Variants in TEAD1 observed in about 807,000 individuals in gnomAD.
TEAD1 encodes the protein TEA domain transcription factor 1.
A neutral mutation model predicts 54.9 loss-of-function variants in TEAD1; 9 were observed. The observed-to-expected ratio is 0.16, with a 90% confidence interval of 0.10 to 0.29. The LOEUF (loss-of-function observed/expected upper bound fraction) is 0.29, where lower values mean the gene tolerates loss of function less well. Among genes scored for constraint, TEAD1 ranks in the 10% least tolerant of loss-of-function variants. The pLI is 1.00. For missense variants in TEAD1, 387 were observed against 535.9 expected (o/e 0.72, Z 2.74); for synonymous variants, 200 against 187.8 (o/e 1.07, Z -0.53).
At chr11:12,683,915 G>C (rs886489176) in intron 2 of TEAD1, among the ~76,000 whole-genome samples, 3 of 152,160 alleles carry the variant, frequency 2.0e-5, no homozygotes, top group South Asian at 2.1e-4. Flanking sequence ...CAAATTACTT[G>C]TTCTCTGCAA....
chr11:12,685,099 G>A (rs1015005018), intron 2 of TEAD1, among the ~76,000 whole-genome samples: 1 of 152,184 alleles, frequency 6.6e-6, no homozygotes, highest in East Asian at 1.9e-4. Flanking sequence ...CCTGGTGACT[G>A]GTCTGAGCAG....
chr11:12,932,259 G>T (rs1198380176), intron 12 of TEAD1, among the ~76,000 whole-genome samples: 3 of 152,134 alleles, frequency 2.0e-5, no homozygotes, highest in African/African-American at 7.2e-5. Flanking sequence ...CATATAGCAG[G>T]TGCTTGACAT....
At chr11:12,907,464 T>G (rs1948540628) in intron 10 of TEAD1, among the ~76,000 whole-genome samples, 1 of 152,224 alleles carries the variant, frequency 6.6e-6, no homozygotes. Flanking sequence ...TTATTATATT[T>G]TCCTTTTCAT....
intron 2 of TEAD1, among the ~76,000 whole-genome samples, chr11:12,737,827 TC>T (rs1204763449): frequency 1.3e-5 from 2 of 152,156 alleles, no homozygotes; most frequent in Non-Finnish European, 2.9e-5. Flanking sequence ...GATGTATTAG[TC>T]CATTTTTACG....
Position 12,864,880 on chromosome 11 carries a change from G to T in TEAD1, c.310G>T (p.Asp104Tyr). ...GGTTCTTGCCAGAAGGAAATCTCGT[G>T]ATTTTCATTCCAAGCTAAAGGTATG... Residue 104 changes from aspartate to tyrosine, a missense_variant, in exon 5 of 13, where the codon GAT becomes TAT. Coordinates refer to ENST00000527636, the MANE Select transcript of TEAD1 (RefSeq NM_021961.6). 2 of 1,614,104 alleles carry T rather than the reference G, an allele frequency of 1.2e-6. No homozygotes were observed. The highest frequency in any genetic ancestry group is 1.7e-6 in the Non-Finnish European group (2 of 1,180,018).
intron 3 of TEAD1, among the ~76,000 whole-genome samples, chr11:12,813,970 T>C (rs1284520605): frequency 6.6e-6 from 1 of 152,152 alleles, no homozygotes; most frequent in African/African-American, 2.4e-5. Context: ...TCCGAGGCCC[T>C]GAAAAGAAGT....
At chr11:12,833,119 T>A (rs577115972) in intron 3 of TEAD1, among the ~76,000 whole-genome samples, 2 of 152,360 alleles carry the variant, frequency 1.3e-5, no homozygotes, top group African/African-American at 4.8e-5. Flanking sequence ...CAGGCTTTTA[T>A]GGATGGCATT....
intron 3 of TEAD1, among the ~76,000 whole-genome samples, chr11:12,770,445 A>G (rs748335441): frequency 6.6e-6 from 1 of 152,222 alleles, no homozygotes; most frequent in Non-Finnish European, 1.5e-5. Flanking sequence ...TAAATCATTT[A>G]TTGAGGGCCT....
At chr11:12,884,358 A>G (rs763101655) in intron 9 of TEAD1, among the ~76,000 whole-genome samples, 2 of 152,112 alleles carry the variant, frequency 1.3e-5, no homozygotes, top group Non-Finnish European at 2.9e-5. Flanking sequence ...CACGTTCTCT[A>G]TCTCACCCCA....
intron 3 of TEAD1, among the ~76,000 whole-genome samples, chr11:12,857,116 C>A (rs1305010769): frequency 6.6e-6 from 1 of 152,164 alleles, no homozygotes; most frequent in African/African-American, 2.4e-5. Flanking sequence ...TGTATTGCCC[C>A]TTTAGCAGGA....
intron 3 of TEAD1, among the ~76,000 whole-genome samples, chr11:12,783,120 G>T (rs1945595626): frequency 6.6e-6 from 1 of 150,562 alleles, no homozygotes; most frequent in South Asian, 2.1e-4. Flanking sequence ...GTGTGTGTGT[G>T]TGTGTGTGTG....
chr11:12,848,409 T>C (rs1320700938), intron 3 of TEAD1, among the ~76,000 whole-genome samples: 3 of 152,212 alleles, frequency 2.0e-5, no homozygotes, highest in Non-Finnish European at 4.4e-5. Flanking sequence ...ATTCAGTCCA[T>C]TTCATGGCTG....
chr11:12,893,289 G>GT (rs1311730535), intron 9 of TEAD1, among the ~76,000 whole-genome samples: 1 of 152,064 alleles, frequency 6.6e-6, no homozygotes, highest in Non-Finnish European at 1.5e-5. Flanking sequence ...AGGAGATGGA[G>GT]TGTCTCCCGG....
intron 3 of TEAD1, among the ~76,000 whole-genome samples, chr11:12,854,087 G>A (rs923693008): frequency 1.8e-4 from 27 of 152,112 alleles, no homozygotes; most frequent in Non-Finnish European, 3.1e-4. Context: ...CTGAATGGGC[G>A]GCCTGGCTGT....
chr11:12,721,348 C>T (rs1944194290), intron 2 of TEAD1, among the ~76,000 whole-genome samples: 1 of 152,152 alleles, frequency 6.6e-6, no homozygotes, highest in South Asian at 2.1e-4. Flanking sequence ...CGAGTGCCTA[C>T]TGTTCATTTA....
chr11:12,876,371 C>T (rs1947854893), intron 5 of TEAD1, among the ~76,000 whole-genome samples: 1 of 152,132 alleles, frequency 6.6e-6, no homozygotes, highest in South Asian at 2.1e-4. Flanking sequence ...GCAGGGAACT[C>T]ATTTGGACCT....
intron 2 of TEAD1, among the ~76,000 whole-genome samples, chr11:12,707,691 A>T (rs750564486): frequency 1.1e-4 from 16 of 152,220 alleles, no homozygotes; most frequent in African/African-American, 3.4e-4. Flanking sequence ...TAAAAGGTAT[A>T]TTGAACTGGG....
chr11:12,865,746 CTT>C (rs1441048906), intron 5 of TEAD1, among the ~76,000 whole-genome samples: 1 of 152,068 alleles, frequency 6.6e-6, no homozygotes. Context: ...ACATACCTGA[CTT>C]TTATTTTTCT....
At chr11:12,691,939 C>T (rs1191318559) in intron 2 of TEAD1, among the ~76,000 whole-genome samples, 7 of 151,972 alleles carry the variant, frequency 4.6e-5, no homozygotes, top group South Asian at 2.1e-4. Context: ...TATTTAATGT[C>T]CTAGTCATTT....
Sources: gnomAD v4.1 joint callset for allele counts (sites outside exome capture counted in the v4.1 genomes callset) on GRCh38, gnomAD v4.1.1 for gene constraint, MANE v1.5 for transcripts, NCBI Gene and HGNC (gene_info 2026-07-23, HGNC 2026-07-21) for gene names.